CCDC171: variants seen among roughly 807,000 people sequenced by gnomAD.
CCDC171 encodes coiled-coil domain containing 171.
A neutral mutation model predicts 168.2 loss-of-function variants in CCDC171; 177 were observed. The ratio of observed to expected loss-of-function variants is 1.05; its 90% CI spans 0.93 to 1.19. The LOEUF is 1.19. Among genes scored for constraint, CCDC171 ranks in the 50% most tolerant of loss-of-function variants. The probability of loss-of-function intolerance (pLI) is 0.00; values close to 1 mark genes in which losing one functional copy is unlikely to be tolerated. For missense variants in CCDC171, 1,991 were observed against 1,539.0 expected, an observed-to-expected ratio of 1.29 and a Z score of -4.91; for synonymous variants, 687 against 540.8, an observed-to-expected ratio of 1.27 and a Z score of -3.75.
chr9:15,791,521 T>C (rs192563159), intron 21 of CCDC171, among the ~76,000 whole-genome samples: 3 of 152,342 alleles, frequency 2.0e-5, no homozygotes, highest in African/African-American at 7.2e-5. Flanking sequence ...TTTCTAGATA[T>C]ACAATCATGT....
intron 16 of CCDC171, among the ~76,000 whole-genome samples, chr9:15,743,446 C>T (rs949931345): frequency 1.3e-5 from 2 of 152,118 alleles, no homozygotes; most frequent in African/African-American, 4.8e-5. Context: ...ACTGGGATTA[C>T]AGGCGTGAGC....
chr9:15,748,128 A>G (rs2055433824), intron 18 of CCDC171, among the ~76,000 whole-genome samples: 1 of 152,184 alleles, frequency 6.6e-6, no homozygotes, highest in Admixed American at 6.5e-5. Context: ...TCTGGGCCTC[A>G]ATTTTCTGAT....
At chr9:16,073,532 A>G in the CCDC171 span, among the ~76,000 whole-genome samples, 3 of 152,118 alleles carry the variant, frequency 2.0e-5, no homozygotes, top group African/African-American at 2.4e-5. Flanking sequence ...TTTCCTGTAA[A>G]TTTCTTTTGG....
chr9:15,882,883 A>AG (rs1301212728), intron 24 of CCDC171, among the ~76,000 whole-genome samples: 2 of 150,578 alleles, frequency 1.3e-5, no homozygotes, highest in Non-Finnish European at 3.0e-5. Context: ...ATGGTGGTGG[A>AG]GGGGGGATGC....
chr9:15,827,601 C>A (rs946536369), intron 21 of CCDC171, among the ~76,000 whole-genome samples: 19 of 152,128 alleles, frequency 1.2e-4, no homozygotes, highest in Admixed American at 1.2e-3. Flanking sequence ...TCATATACAC[C>A]TAGGGGAATG....
intron 25 of CCDC171, among the ~76,000 whole-genome samples, chr9:15,927,936 T>C (rs1008556204): frequency 1.3e-5 from 2 of 151,770 alleles, no homozygotes; most frequent in African/African-American, 2.4e-5. Flanking sequence ...ATACTCATTA[T>C]TGAGTTTTTA....
chr9:16,045,091 C>T (rs1833638975), intron 1 of CCDC171, among the ~76,000 whole-genome samples: 1 of 152,132 alleles, frequency 6.6e-6, no homozygotes, highest in Non-Finnish European at 1.5e-5. Flanking sequence ...GTGGAGAGTG[C>T]TTCTTCTAGT....
chr9:15,559,297 T>A (rs1563937097), intron 1 of CCDC171, among the ~76,000 whole-genome samples: 1 of 152,160 alleles, frequency 6.6e-6, no homozygotes, highest in Non-Finnish European at 1.5e-5. Context: ...TTGTTAACTT[T>A]CTGTCTCATT....
chr9:15,749,470 A>T (rs1351979777), intron 18 of CCDC171, among the ~76,000 whole-genome samples: 1 of 152,224 alleles, frequency 6.6e-6, no homozygotes, highest in South Asian at 2.1e-4. Flanking sequence ...GACCAAGCGG[A>T]CCTAATAGAC....
At chr9:16,028,339 G>A (rs1386745912) in intron 6 of CCDC171, among the ~76,000 whole-genome samples, 2 of 152,124 alleles carry the variant, frequency 1.3e-5, no homozygotes, top group African/African-American at 2.4e-5. Context: ...CAGAGAGACC[G>A]ACCGGGAGAG....
At chr9:15,681,379 ATTTTTTCATCTCTCT>A (rs2050029997) in intron 10 of CCDC171, among the ~76,000 whole-genome samples, 1 of 151,718 alleles carries the variant, frequency 6.6e-6, no homozygotes, top group African/African-American at 2.4e-5. Context: ...GTTCCTCTTA[ATTTTTTCATCTCTCT>A]TAAACTCATA....
At chr9:15,890,722 G>A (rs1457584030) in intron 24 of CCDC171, among the ~76,000 whole-genome samples, 2 of 152,030 alleles carry the variant, frequency 1.3e-5, no homozygotes, top group Non-Finnish European at 2.9e-5. Flanking sequence ...TTAAATATGT[G>A]CAATTCTTTG....
rs561348228 is a variant in CCDC171 at position 15,610,102 on chromosome 9, A to G, written c.676-13165A>G. Among the ~76,000 whole-genome samples, 97 of 152,000 alleles carry G rather than the reference A, an allele frequency of 6.4e-4. 1 individual carries two copies. Among genetic ancestry groups the G allele is most frequent in the Admixed American group, 2.1e-3 (32 of 15,272 alleles). On this transcript the variant is annotated intron_variant, in intron 6 of 25. Coordinates refer to ENST00000380701, the MANE Select transcript of CCDC171 (RefSeq NM_173550.4). ...CTTGTTATTTGATGATACCTTTCTTAGTATATTCTCCTTGTTTCATGTTTG... is the reference window on the plus strand; with the variant it reads ...CTTGTTATTTGATGATACCTTTCTTGGTATATTCTCCTTGTTTCATGTTTG...
intron 3 of CCDC171, among the ~76,000 whole-genome samples, chr9:15,997,416 C>T (rs747242787): frequency 8.5e-5 from 13 of 152,162 alleles, no homozygotes; most frequent in Non-Finnish European, 1.6e-4. Context: ...TGTGAGTTAA[C>T]GGCACTTTTT....
At chr9:15,866,629 G>A (rs1448823823) in intron 23 of CCDC171, among the ~76,000 whole-genome samples, 2 of 152,044 alleles carry the variant, frequency 1.3e-5, no homozygotes, top group Non-Finnish European at 2.9e-5. Context: ...GGATGTGTGA[G>A]TCTGAACCTC....
chr9:15,725,384 G>A (rs2053732894), intron 14 of CCDC171, among the ~76,000 whole-genome samples: 1 of 152,144 alleles, frequency 6.6e-6, no homozygotes, highest in Non-Finnish European at 1.5e-5. Flanking sequence ...TAATACTTCT[G>A]TTTATAAATG....
intron 2 of CCDC171, among the ~76,000 whole-genome samples, chr9:15,570,974 A>T (rs2040178742): frequency 6.6e-6 from 1 of 152,136 alleles, no homozygotes; most frequent in Non-Finnish European, 1.5e-5. Context: ...GGATCTGAGG[A>T]TGTAATTATT....
At chr9:15,589,151 C>G (rs1489310293) in intron 4 of CCDC171, among the ~76,000 whole-genome samples, 3 of 151,996 alleles carry the variant, frequency 2.0e-5, no homozygotes, top group East Asian at 3.8e-4. Flanking sequence ...TGAGAGACTT[C>G]TTCTTGGCTT....
chr9:15,581,931 G>T (rs1249720464), intron 4 of CCDC171, among the ~76,000 whole-genome samples: 1 of 152,100 alleles, frequency 6.6e-6, no homozygotes, highest in Non-Finnish European at 1.5e-5. Flanking sequence ...ATAGACAAAT[G>T]GGATCTAATT....
Sources: gnomAD v4.1 joint callset for allele counts (sites outside exome capture counted in the v4.1 genomes callset) on GRCh38, gnomAD v4.1.1 for gene constraint, MANE v1.5 for transcripts, NCBI Gene and HGNC (gene_info 2026-07-23, HGNC 2026-07-21) for gene names.